Variants in IRAK2 observed in about 807,000 individuals in gnomAD.
IRAK2 encodes interleukin-1 receptor-associated kinase-like 2.
IRAK2 carries 57 observed loss-of-function variants against 72.0 expected under a neutral mutation model. The ratio of observed to expected loss-of-function variants is 0.79; its 90% CI spans 0.64 to 0.99. The LOEUF (loss-of-function observed/expected upper bound fraction) is 0.99. IRAK2 is among the 50% of genes least tolerant of loss of function. The pLI, the probability that IRAK2 is intolerant of heterozygous loss-of-function variation, is 0.00. For missense variants in IRAK2, 790 were observed against 794.4 expected, an observed-to-expected ratio of 0.99 and a Z score of 0.07; for synonymous variants, 293 against 312.7, an observed-to-expected ratio of 0.94 and a Z score of 0.67.
In IRAK2 at chr3:10,219,721, C is replaced by G; in HGVS notation, c.945C>G (p.Ile315Met). Residue 315 changes from isoleucine to methionine, a missense_variant, in exon 8 of 13, where the codon ATC becomes ATG. Coordinates refer to ENST00000256458, the MANE Select transcript of IRAK2 (RefSeq NM_001570.4). ...DPLPWPQRVS[I>M]CSGLLCAVEY... ...TCCCCTGGCCCCAGCGTGTCAGCAT[C>G]TGCTCAGGGCTGCTCTGTGCCGTCG... 6.2e-7 allele frequency: 1 copy of G among 1,613,812 alleles called. No individual in the cohort carries two copies. The highest frequency in any genetic ancestry group is 8.5e-7 in the Non-Finnish European group (1 of 1,179,906).
intron 12 of IRAK2, among the ~76,000 whole-genome samples, chr3:10,239,829 A>G (rs897515803): frequency 2.0e-5 from 3 of 151,498 alleles, no homozygotes; most frequent in Admixed American, 2.0e-4. Flanking sequence ...CAACACAAAC[A>G]CCATCCTCAC....
chr3:10,231,983 C>T (rs1203756480), intron 10 of IRAK2, among the ~76,000 whole-genome samples: 1 of 152,072 alleles, frequency 6.6e-6, no homozygotes, highest in Non-Finnish European at 1.5e-5. Context: ...AAAAATTAGC[C>T]GGGCATGGTG....
At chr3:10,241,297 C>G (rs1036346088) in intron 12 of IRAK2, among the ~76,000 whole-genome samples, 8 of 151,582 alleles carry the variant, frequency 5.3e-5, no homozygotes, top group Non-Finnish European at 1.5e-5. Flanking sequence ...TGGTGACTCA[C>G]GCCTGTAATC....
intron 12 of IRAK2, among the ~76,000 whole-genome samples, chr3:10,240,523 T>C (rs1197270884): frequency 4.2e-5 from 1 of 23,662 alleles, no homozygotes; most frequent in Admixed American, 5.3e-4. Flanking sequence ...CTTTCTGAAA[T>C]AAAAAATTAG....
Position 10,222,135 on chromosome 3 carries a change from A to T in IRAK2, c.1014-501A>T, listed in dbSNP as rs907440517. Among the ~76,000 whole-genome samples, 10 of 151,922 alleles carry T rather than the reference A, an allele frequency of 6.6e-5. No homozygotes were observed. In the East Asian group the frequency reaches 2.0e-3, roughly 30 times the overall value. ...ACTCCTGACCTCAGGTGATCTGCCC[A>T]TCTCGGCCTCCCAAAGTGCTGGGAT... On this transcript the variant is annotated intron_variant, in intron 8 of 12. Coordinates refer to ENST00000256458, the MANE Select transcript of IRAK2 (RefSeq NM_001570.4).
At chr3:10,170,004 T>C (rs1460895655) in intron 1 of IRAK2, among the ~76,000 whole-genome samples, 1 of 152,220 alleles carries the variant, frequency 6.6e-6, no homozygotes, top group African/African-American at 2.4e-5. Flanking sequence ...TCGGGGCCCC[T>C]GACTTCCCAC....
intron 2 of IRAK2, among the ~76,000 whole-genome samples, chr3:10,200,076 T>C (rs1250265209): frequency 2.6e-5 from 4 of 151,936 alleles, no homozygotes; most frequent in South Asian, 2.1e-4. Context: ...TTAGTAGAGA[T>C]GGGGTTTCAC....
At chr3:10,231,287 A>G (rs1249848607) in intron 10 of IRAK2, among the ~76,000 whole-genome samples, 1 of 151,850 alleles carries the variant, frequency 6.6e-6, no homozygotes, top group Non-Finnish European at 1.5e-5. Context: ...TTAACCACTT[A>G]TGTTTAATTT....
intron 10 of IRAK2, among the ~76,000 whole-genome samples, chr3:10,227,827 C>G (rs937195909): frequency 6.6e-6 from 1 of 151,988 alleles, no homozygotes; most frequent in Non-Finnish European, 1.5e-5. Flanking sequence ...CACCACCACA[C>G]CTGGCTAATT....
rs1313359387 is a variant in IRAK2 at position 10,184,770 on chromosome 3, C to T, written c.277+6750C>T. Among the ~76,000 whole-genome samples the T allele has an allele frequency of 3.6e-5, 5 of 140,234 alleles. 1 individual carries two copies. Among genetic ancestry groups the T allele is most frequent in the South Asian group, 4.7e-4 (2 of 4,284 alleles). The allele number at this position is 140,234 out of a possible 152,430, so 92.0% of individuals were successfully genotyped here. A position where few individuals can be genotyped will look rare whatever the true frequency, so the allele number is the denominator to read the frequency against. On this transcript the variant is annotated intron_variant, in intron 2 of 12. Transcript: ENST00000256458. ...TTTGAGACGGAGCCTTGCTCTGTCGCCCAGGCTGGAGTGCAGTGGCGCGAT... is the reference window on the plus strand; with the variant it reads ...TTTGAGACGGAGCCTTGCTCTGTCGTCCAGGCTGGAGTGCAGTGGCGCGAT...
intron 2 of IRAK2, among the ~76,000 whole-genome samples, chr3:10,187,739 T>C (rs113079665): frequency 4.6e-5 from 7 of 152,310 alleles, no homozygotes; most frequent in African/African-American, 1.7e-4. Flanking sequence ...TGGTACTCCT[T>C]TTCATTTGAT....
intron 12 of IRAK2, among the ~76,000 whole-genome samples, chr3:10,241,566 GATAA>G (rs61019391): frequency 5.3e-5 from 7 of 131,738 alleles, no homozygotes; most frequent in Non-Finnish European, 1.1e-4. Flanking sequence ...CTCAACAAAT[GATAA>G]ATAAATAAAT....
intron 2 of IRAK2, among the ~76,000 whole-genome samples, chr3:10,187,630 C>A (rs189358173): frequency 2.0e-4 from 30 of 152,332 alleles, no homozygotes; most frequent in African/African-American, 6.3e-4. Context: ...ACTGCCTCTG[C>A]CTTTGGAGAT....
At chr3:10,207,044 G>A (rs182209923) in intron 3 of IRAK2, among the ~76,000 whole-genome samples, 83 of 151,854 alleles carry the variant, frequency 5.5e-4, no homozygotes, top group African/African-American at 1.4e-3. Flanking sequence ...GTAGAGATGG[G>A]GTTTTACCAT....
intron 1 of IRAK2, among the ~76,000 whole-genome samples, chr3:10,167,492 G>A (rs1395932813): frequency 6.6e-6 from 1 of 151,450 alleles, no homozygotes; most frequent in Admixed American, 6.6e-5. Context: ...TCGGCTCACT[G>A]CAAGCTCCAC....
chr3:10,214,676 G>T (rs144991954), intron 6 of IRAK2, among the ~76,000 whole-genome samples: 1 of 152,104 alleles, frequency 6.6e-6, no homozygotes, highest in Non-Finnish European at 1.5e-5. Context: ...ACCAGGTATG[G>T]TGGTTTATGC....
Position 10,242,234 on chromosome 3 carries a change from G to T in IRAK2, c.*6G>T, listed in dbSNP as rs200047534. 3.8e-4 allele frequency: 578 copies of T among 1,537,746 alleles called. 2 individuals carry two copies. The African/African-American group carries it at 6.4e-3, about 17-fold the overall frequency. Reference sequence around the variant, plus strand: ...TTGAGCTCTTTGGCCCCTGATGACCGGAACACAGCTGAGGACCCTTGTCCT... The same window carrying T: ...TTGAGCTCTTTGGCCCCTGATGACCTGAACACAGCTGAGGACCCTTGTCCT... On this transcript the variant is annotated 3_prime_UTR_variant, in exon 13 of 13. Coordinates refer to ENST00000256458, the MANE Select transcript of IRAK2 (RefSeq NM_001570.4).
intron 6 of IRAK2, among the ~76,000 whole-genome samples, chr3:10,216,563 A>C (rs1000055181): frequency 6.6e-6 from 1 of 152,106 alleles, no homozygotes; most frequent in African/African-American, 2.4e-5. Flanking sequence ...GAACCAGCAG[A>C]AGAGGATTTC....
At chr3:10,178,286 C>T (rs192558394) in intron 2 of IRAK2, among the ~76,000 whole-genome samples, 87 of 151,974 alleles carry the variant, frequency 5.7e-4, no homozygotes, top group Non-Finnish European at 8.7e-4. Flanking sequence ...GGTGAAAACC[C>T]GTCTCTACTA....
Sources: gnomAD v4.1 joint callset for allele counts (sites outside exome capture counted in the v4.1 genomes callset) on GRCh38, gnomAD v4.1.1 for gene constraint, MANE v1.5 for transcripts, NCBI Gene and HGNC (gene_info 2026-07-23, HGNC 2026-07-21) for gene names.